The following PAQR5 variants were observed in gnomAD, a reference collection of about 807,000 sequenced individuals.
PAQR5 encodes the protein membrane progestin receptor gamma.
A neutral mutation model predicts 34.5 loss-of-function variants in PAQR5; 20 were observed. The ratio of observed to expected loss-of-function variants is 0.58; its 90% CI spans 0.41 to 0.84. The LOEUF is 0.84. Among genes scored for constraint, PAQR5 ranks in the 40% least tolerant of loss-of-function variants. The probability of loss-of-function intolerance (pLI) is 0.00; values close to 1 mark genes in which losing one functional copy is unlikely to be tolerated. For missense variants in PAQR5, 378 were observed against 412.7 expected, an observed-to-expected ratio of 0.92 and a Z score of 0.73; for synonymous variants, 131 against 155.6, an observed-to-expected ratio of 0.84 and a Z score of 1.18.
At chr15:69,313,521 C>CAAATAAATAAATAAAT (rs963617204) in intron 1 of PAQR5, among the ~76,000 whole-genome samples, 14 of 151,890 alleles carry the variant, frequency 9.2e-5, no homozygotes, top group East Asian at 5.8e-4. Context: ...CAACAACAAC[C>CAAATAAATAAATAAAT]AAATAAATAA....
chr15:69,380,171 A>G, intron 4 of PAQR5, 161 bp downstream of exon 4: 1 of 737,204 alleles, frequency 1.4e-6, no homozygotes. Context: ...CAGAGGGAAG[A>G]GACATTGGGT....
At chr15:69,320,315 AC>A (rs1300513362) in intron 1 of PAQR5, among the ~76,000 whole-genome samples, 1 of 152,184 alleles carries the variant, frequency 6.6e-6, no homozygotes, top group Non-Finnish European at 1.5e-5. Context: ...GACCAGCTTT[AC>A]AGTCACTGAC....
chr15:69,401,197 C>A (rs941772474), intron 8 of PAQR5, among the ~76,000 whole-genome samples: 1 of 152,086 alleles, frequency 6.6e-6, no homozygotes, highest in South Asian at 2.1e-4. Flanking sequence ...GTGAGGCTGA[C>A]AAGACTTTGG....
rs1041392844 is a variant in PAQR5 at position 69,394,220 on chromosome 15, T to C, written c.513-3248T>C. 0.017 allele frequency among the ~76,000 whole-genome samples: 39 copies of C among 2,258 alleles called. No homozygotes were observed. The Non-Finnish European group carries it at 0.25, about 14-fold the overall frequency. 1.5% of individuals were successfully genotyped at this position (2,258 alleles called of 152,430 possible). A position where few individuals can be genotyped will look rare whatever the true frequency, so the allele number is the denominator to read the frequency against. On this transcript the variant is annotated intron_variant, in intron 6 of 8. Transcript: ENST00000395407. ...CCATGAGCTCTGCTCTAAGGACAGC[T>C]TAGAGGCAGTTGCTGAGGCAGTTCA... is the stretch of plus-strand genomic sequence containing the variant.
At chr15:69,319,201 A>G (rs896537867) in intron 1 of PAQR5, among the ~76,000 whole-genome samples, 3 of 57,058 alleles carry the variant, frequency 5.3e-5, no homozygotes, top group Non-Finnish European at 1.1e-4. Context: ...ATATATATAT[A>G]TATATATATA....
intron 1 of PAQR5, among the ~76,000 whole-genome samples, chr15:69,302,790 C>A (rs1238955659): frequency 1.3e-5 from 2 of 152,172 alleles, no homozygotes; most frequent in South Asian, 4.1e-4. Flanking sequence ...ATCCCCACCA[C>A]CCCTGAGAGC....
At chr15:69,353,011 C>T (rs2054964237) in intron 2 of PAQR5, among the ~76,000 whole-genome samples, 1 of 152,212 alleles carries the variant, frequency 6.6e-6, no homozygotes, top group African/African-American at 2.4e-5. Flanking sequence ...TGCCAGTCAG[C>T]CTCTTTCACC....
rs1219168655 is a variant in PAQR5, at chr15:69,389,983, T to G, written c.512+203T>G. On this transcript the variant is annotated intron_variant, in intron 6 of 8. Coordinates refer to ENST00000395407, the MANE Select transcript of PAQR5 (RefSeq NM_017705.4). Reference sequence around the variant, plus strand: ...TCCAGGCCTCCATGCTCAGAGAGTCTCATACTTGGTTTAATACTCTGCTGC... The same window carrying G: ...TCCAGGCCTCCATGCTCAGAGAGTCGCATACTTGGTTTAATACTCTGCTGC... 2.6e-5 allele frequency among the ~76,000 whole-genome samples: 4 copies of G among 152,214 alleles called. 1 individual carries two copies. Among genetic ancestry groups the G allele is most frequent in the Non-Finnish European group, 5.9e-5 (4 of 68,042 alleles).
rs1281280024 is a variant in PAQR5 at position 69,400,067 on chromosome 15, T to G, written c.703T>G (p.Ser235Ala). 1.9e-6 allele frequency: 3 copies of G among 1,614,110 alleles called. No individual in the cohort carries two copies. Among genetic ancestry groups the G allele is most frequent in the African/African-American group, 2.7e-5 (2 of 74,948 alleles). ...IMTLLASFLYSAHLPERLAPG... is the reference protein window; with the variant it reads ...IMTLLASFLYAAHLPERLAPG... ...GACCCTCCTGGCCTCTTTCTTGTAC[T>G]CTGCACATCTGCCAGAACGCCTAGC... Residue 235 changes from serine to alanine, a missense_variant, in exon 8 of 9, where the codon TCT becomes GCT. Ser to Ala is a moderately conservative substitution (Grantham distance 99). Coordinates refer to ENST00000395407, the MANE Select transcript of PAQR5 (RefSeq NM_017705.4).
intron 2 of PAQR5, among the ~76,000 whole-genome samples, chr15:69,340,257 C>T (rs958991476): frequency 1.3e-5 from 2 of 152,084 alleles, no homozygotes; most frequent in African/African-American, 4.8e-5. Flanking sequence ...TACAGTCATA[C>T]ATAACATAGC....
chr15:69,327,947 T>C (rs930843206), intron 1 of PAQR5, among the ~76,000 whole-genome samples: 1 of 152,084 alleles, frequency 6.6e-6, no homozygotes, highest in East Asian at 1.9e-4. Flanking sequence ...CCCGGCTAAT[T>C]TTTTTGTATT....
intron 2 of PAQR5, among the ~76,000 whole-genome samples, chr15:69,357,567 G>A (rs12443249): frequency 0.028 from 4,275 of 152,176 alleles, 124 homozygotes; most frequent in East Asian, 0.12. Context: ...CTTGGCCTCA[G>A]GTATTTCTTT....
intron 8 of PAQR5, among the ~76,000 whole-genome samples, chr15:69,400,508 A>G (rs2056592654): frequency 6.6e-6 from 1 of 152,182 alleles, no homozygotes; most frequent in Admixed American, 6.5e-5. Context: ...CCTGAGCAAC[A>G]TAGTGAAACT....
At chr15:69,332,010 G>C (rs1032293680) in intron 1 of PAQR5, among the ~76,000 whole-genome samples, 1 of 152,190 alleles carries the variant, frequency 6.6e-6, no homozygotes, top group African/African-American at 2.4e-5. Context: ...TGCAGAGAAA[G>C]AGAACCCAGA....
At chr15:69,355,319 TC>T (rs1270518705) in intron 2 of PAQR5, among the ~76,000 whole-genome samples, 753 of 55,888 alleles carry the variant, frequency 0.013, 6 homozygotes, top group Admixed American at 0.025. Flanking sequence ...TTTCTTTCTT[TC>T]TTTCTTTCTT....
At chr15:69,355,297 TTTC>T (rs1317031571) in intron 2 of PAQR5, among the ~76,000 whole-genome samples, 4 of 69,554 alleles carry the variant, frequency 5.8e-5, no homozygotes, top group African/African-American at 1.3e-4. Context: ...CTTTTCTTTC[TTTC>T]TTTCTTTCTT....
Position 69,400,018 on chromosome 15 carries a change from G to T in PAQR5, c.654G>T (p.Ser218=). 6.2e-7 allele frequency: 1 copy of T among 1,614,098 alleles called. No homozygotes were observed. The highest frequency in any genetic ancestry group is 8.5e-7 in the Non-Finnish European group (1 of 1,179,966). ...PGESAQNEAT[S]YHQKHMIMTL... is the part of the protein sequence containing the mutation. ...AGAGTGCACAAAATGAAGCCACCTC[G>T]TACCACCAGAAGCACATGATCATGA... Residue 218 remains serine, a synonymous_variant, in exon 8 of 9, where the codon TCG becomes TCT. Transcript: ENST00000395407.
intron 2 of PAQR5, among the ~76,000 whole-genome samples, chr15:69,345,413 G>A (rs1343816774): frequency 6.6e-6 from 1 of 152,154 alleles, no homozygotes; most frequent in African/African-American, 2.4e-5. Flanking sequence ...TGCCAACTGT[G>A]TCCTTCAAGG....
At chr15:69,398,659 A>G (rs753772848) in intron 7 of PAQR5, among the ~76,000 whole-genome samples, 3 of 152,096 alleles carry the variant, frequency 2.0e-5, no homozygotes, top group Admixed American at 6.5e-5. Context: ...GGTCTGGGAG[A>G]GCGCCAAAGA....
Sources: gnomAD v4.1 joint callset for allele counts (sites outside exome capture counted in the v4.1 genomes callset) on GRCh38, gnomAD v4.1.1 for gene constraint, MANE v1.5 for transcripts, NCBI Gene and HGNC (gene_info 2026-07-23, HGNC 2026-07-21) for gene names.